Variants in NLRP1 observed in about 807,000 individuals in gnomAD.
NLRP1 encodes the protein NACHT, LRR and PYD domains-containing protein 1.
In NLRP1, 94 loss-of-function variants were observed where a neutral mutation model predicts 136.7. That is an observed-to-expected ratio of 0.69 (90% CI 0.58 to 0.82). NLRP1 has a LOEUF of 0.82. Among genes scored for constraint, NLRP1 ranks in the 40% least tolerant of loss-of-function variants. NLRP1 has a pLI of 0.00. For synonymous variants in NLRP1, 690 were observed against 725.1 expected, an observed-to-expected ratio of 0.95 and a Z score of 0.78; for missense variants, 1,575 against 1,802.7, an observed-to-expected ratio of 0.87 and a Z score of 2.29.
Position 5,584,381 on chromosome 17 carries a change from G to A in NLRP1, c.-424C>T. On this transcript the variant is annotated 5_prime_UTR_variant, in exon 1 of 17. Coordinates refer to ENST00000572272, the MANE Select transcript of NLRP1 (RefSeq NM_033004.4). ...CTGCAAGGCTGAGAAGAGGTGGGGT[G>A]GGAGGAGCCGCAGAGCAGGGAATGG... The A allele has an allele frequency of 5.5e-6, 1 of 182,966 alleles. No homozygotes were observed. The highest frequency in any genetic ancestry group is 1.1e-4 in the South Asian group (1 of 9,340). 11.3% of individuals were successfully genotyped at this position (182,966 alleles called of 1,614,324 possible).
At chr17:5,538,588 G>C (rs192622036) in intron 7 of NLRP1, among the ~76,000 whole-genome samples, 1 of 152,064 alleles carries the variant, frequency 6.6e-6, no homozygotes, top group African/African-American at 2.4e-5. Context: ...CATAAATATA[G>C]ACTTGTGCAT....
intron 5 of NLRP1, among the ~76,000 whole-genome samples, chr17:5,549,044 T>C (rs57099299): frequency 7.7e-4 from 118 of 152,342 alleles, no homozygotes; most frequent in Middle Eastern, 3.4e-3. Context: ...GGGGGTATTG[T>C]CATTTTAATA....
At chr17:5,503,988 G>T (rs1377468939) in intron 15 of NLRP1, 1 of 152,194 alleles carries the variant, frequency 6.6e-6, no homozygotes, top group Non-Finnish European at 1.5e-5. Flanking sequence ...TCCATTTAGG[G>T]GTATTTGCCT....
intron 12 of NLRP1, among the ~76,000 whole-genome samples, chr17:5,522,095 G>A (rs907451514): frequency 1.3e-5 from 2 of 152,254 alleles, no homozygotes; most frequent in Non-Finnish European, 2.9e-5. Context: ...AAAGTGCTGG[G>A]ATTACAGGCG....
Position 5,529,909 on chromosome 17 carries a change from G to A in NLRP1, c.3520+572C>T, listed in dbSNP as rs529861622. 2.9e-4 allele frequency: 129 copies of A among 439,862 alleles called. 1 individual carries two copies. In the Admixed American group the frequency reaches 3.2e-3, roughly 11 times the overall value. 27.2% of individuals were successfully genotyped at this position (439,862 alleles called of 1,614,324 possible). ...CTTGTTTCCCCTTTGTGAGATTTTT[G>A]ACTGTTAGCTGATATTTCTTGGAAC... On this transcript the variant is annotated intron_variant, in intron 12 of 16. Coordinates refer to ENST00000572272, the MANE Select transcript of NLRP1 (RefSeq NM_033004.4).
At chr17:5,566,329 A>G (rs1915329522) in intron 3 of NLRP1, among the ~76,000 whole-genome samples, 2 of 151,818 alleles carry the variant, frequency 1.3e-5, no homozygotes, top group Admixed American at 1.3e-4. Context: ...CTCTTAATAT[A>G]TCCCATAGGT....
rs1333857481 is a variant in NLRP1 at position 5,541,327 on chromosome 17, T to C, written c.2699+530A>G. Among the ~76,000 whole-genome samples the C allele has an allele frequency of 6.6e-6, 1 of 152,136 alleles. No individual in the cohort carries two copies. Among genetic ancestry groups the C allele is most frequent in the Non-Finnish European group, 1.5e-5 (1 of 68,016 alleles). On this transcript the variant is annotated intron_variant, in intron 6 of 16. Transcript: ENST00000572272. The surrounding 1 kb of genome is among the most constrained non-coding windows in gnomAD (Gnocchi z 4.2). ...TCCCAAAGTGCTGGGATGACAGGCA[T>C]GAGCCAGGGCGCCTCACTTGTTTCT...
intron 14 of NLRP1, 58 bp downstream of exon 14, chr17:5,520,823 A>G: frequency 1.4e-6 from 2 of 1,458,206 alleles, no homozygotes; most frequent in Non-Finnish European, 1.8e-6. Flanking sequence ...CCCCACAGGC[A>G]TTCATTCCCA....
downstream of NLRP1, among the ~76,000 whole-genome samples, chr17:5,511,450 A>AAAAAAG (rs1286439616): frequency 3.3e-4 from 50 of 151,628 alleles, 1 homozygote; most frequent in Middle Eastern, 3.4e-3. Context: ...AAAAAAAAAA[A>AAAAAAG]AGAGAATCTG....
At chr17:5,503,352 G>A (rs1457449228) in intron 15 of NLRP1, 3 of 152,336 alleles carry the variant, frequency 2.0e-5, no homozygotes, top group East Asian at 1.9e-4. Context: ...AGAGGGTCTC[G>A]GGCAGAACCA....
intron 3 of NLRP1, 103 bp downstream of exon 3, chr17:5,581,756 A>G (rs1013537276): frequency 2.1e-6 from 2 of 952,738 alleles, no homozygotes; most frequent in Admixed American, 3.4e-5. Flanking sequence ...GATGTTTTCC[A>G]GAACCTCTGC....
chr17:5,529,521 C>G (rs373565264), intron 12 of NLRP1, among the ~76,000 whole-genome samples: 2 of 152,172 alleles, frequency 1.3e-5, no homozygotes, highest in South Asian at 4.2e-4. Flanking sequence ...GCGCCTGCCG[C>G]CACGCCCGGC....
In NLRP1 at chr17:5,514,671, C is replaced by T; in HGVS notation, c.*83G>A. 1 of 1,564,368 alleles carries T rather than the reference C, an allele frequency of 6.4e-7. No individual in the cohort carries two copies. Reference sequence around the variant, plus strand: ...TGCTGGAAGGCAAACCAGATGGCAACTTGTTTGCAGAGAAAGAAACTGAGA... The same window carrying T: ...TGCTGGAAGGCAAACCAGATGGCAATTTGTTTGCAGAGAAAGAAACTGAGA... On this transcript the variant is annotated 3_prime_UTR_variant, in exon 17 of 17. Coordinates refer to ENST00000572272, the MANE Select transcript of NLRP1 (RefSeq NM_033004.4).
At chr17:5,566,749 A>C (rs973315930) in intron 3 of NLRP1, among the ~76,000 whole-genome samples, 2 of 152,154 alleles carry the variant, frequency 1.3e-5, no homozygotes, top group African/African-American at 4.8e-5. Context: ...GTCCAATGCT[A>C]AAAGTGGGGT....
intron 3 of NLRP1, among the ~76,000 whole-genome samples, chr17:5,563,538 A>G (rs568551689): frequency 1.3e-5 from 2 of 152,344 alleles, no homozygotes; most frequent in African/African-American, 4.8e-5. Context: ...CAGAGCCTGA[A>G]GACTGGTTCT....
chr17:5,534,032 C>T (rs200223732), intron 8 of NLRP1, 44 bp from the exon 9 acceptor site: 26 of 1,343,204 alleles, frequency 1.9e-5, no homozygotes, highest in Middle Eastern at 1.8e-4. Context: ...TTGGAGGAAG[C>T]GAGGGCTGTC....
At chr17:5,560,144 G>A (rs1002482074) in intron 3 of NLRP1, 101 bp from the exon 4 acceptor site, 15 of 1,084,832 alleles carry the variant, frequency 1.4e-5, no homozygotes, top group Non-Finnish European at 1.9e-5. Context: ...GCCACACACT[G>A]CGCTGTCTGC....
intron 3 of NLRP1, among the ~76,000 whole-genome samples, chr17:5,569,721 T>C (rs1025034557): frequency 6.6e-6 from 1 of 151,736 alleles, no homozygotes; most frequent in African/African-American, 2.4e-5. Context: ...CAAGGCAGAA[T>C]ACTAACAAAG....
In NLRP1 at chr17:5,558,465, C is replaced by T; in HGVS notation, c.2231G>A (p.Cys744Tyr). ...TAAGAGCTCCATGTCTGTTTCTACACACATGCCCATTTCTTCGAAATGGGC... is the reference window on the plus strand; with the variant it reads ...TAAGAGCTCCATGTCTGTTTCTACATACATGCCCATTTCTTCGAAATGGGC... ...VMAHFEEMGM[C>Y]VETDMELLVC... The change falls in exon 4 of 17, where the codon TGT (cysteine) becomes TAT (tyrosine). Residue 744 changes from cysteine (C) to tyrosine (Y), a missense_variant. By Grantham distance (194) the Cys-to-Tyr change is radical. Transcript: ENST00000572272. The T allele has an allele frequency of 6.2e-7, 1 of 1,614,092 alleles. No homozygotes were observed. Among genetic ancestry groups the T allele is most frequent in the Non-Finnish European group, 8.5e-7 (1 of 1,180,000 alleles).
Sources: gnomAD v4.1 joint callset for allele counts (sites outside exome capture counted in the v4.1 genomes callset) on GRCh38, gnomAD v4.1.1 for gene constraint, Gnocchi (gnomAD v3.1) non-coding constraint, MANE v1.5 for transcripts, NCBI Gene and HGNC (gene_info 2026-07-23, HGNC 2026-07-21) for gene names.